Variants in FGFR1 observed in about 807,000 individuals in gnomAD.
FGFR1 encodes fibroblast growth factor receptor 1, also known as FGFR1/PLAG1 fusion.
Under a neutral mutation model 93.7 loss-of-function variants are expected in FGFR1, and 18 were observed. That is an observed-to-expected ratio of 0.19 (90% confidence interval 0.13 to 0.28). The LOEUF (loss-of-function observed/expected upper bound fraction) is 0.28. FGFR1 is among the 10% of genes least tolerant of loss of function. The pLI, the probability that FGFR1 is intolerant of heterozygous loss-of-function variation, is 1.00. For synonymous variants in FGFR1, 448 were observed against 429.3 expected (o/e 1.04, Z -0.54); for missense variants, 731 against 1,080.4 (o/e 0.68, Z 4.53).
intron 1 of FGFR1, among the ~76,000 whole-genome samples, chr8:38,458,354 A>T (rs564104974): frequency 6.6e-6 from 1 of 152,256 alleles, no homozygotes; most frequent in African/African-American, 2.4e-5. Context: ...CAACCTGGCC[A>T]ATATGGTGAA....
At chr8:38,419,467 A>C (rs536267684) in intron 9 of FGFR1, 66 bp downstream of exon 9, 53 of 1,396,870 alleles carry the variant, frequency 3.8e-5, no homozygotes, top group Non-Finnish European at 5.0e-5. Context: ...GACAATGGAG[A>C]GGGCAGGGCA....
intron 2 of FGFR1, among the ~76,000 whole-genome samples, chr8:38,456,429 A>C (rs961534561): frequency 3.9e-5 from 6 of 152,102 alleles, no homozygotes; most frequent in Non-Finnish European, 5.9e-5. Flanking sequence ...ATAGGTCTCC[A>C]TGCCCCTTTA....
intron 7 of FGFR1, 93 bp from the exon 8 acceptor site, chr8:38,422,034 C>G (rs2150764021): frequency 7.0e-7 from 1 of 1,437,394 alleles, no homozygotes; most frequent in Non-Finnish European, 9.6e-7. Context: ...AGAAGGGGGA[C>G]TAGAGGAAGA....
chr8:38,446,325 C>A (rs1433437837), intron 2 of FGFR1, among the ~76,000 whole-genome samples: 2 of 152,002 alleles, frequency 1.3e-5, no homozygotes, highest in East Asian at 3.9e-4. Flanking sequence ...ATTCTCCCGC[C>A]TCAGCCTCCC....
At chr8:38,449,300 A>T (rs1830344999) in intron 2 of FGFR1, among the ~76,000 whole-genome samples, 1 of 152,200 alleles carries the variant, frequency 6.6e-6, no homozygotes, top group Non-Finnish European at 1.5e-5. Context: ...ATTTCCAGCT[A>T]AGGGACTAGG....
intron 2 of FGFR1, among the ~76,000 whole-genome samples, chr8:38,447,987 C>T (rs1462267294): frequency 6.6e-6 from 1 of 152,160 alleles, no homozygotes; most frequent in Non-Finnish European, 1.5e-5. Context: ...AGAACTGGAT[C>T]AACTTTGTAC....
chr8:38,422,877 T>A (rs548625792), intron 7 of FGFR1: 1 of 602,382 alleles, frequency 1.7e-6, no homozygotes, highest in East Asian at 2.8e-5. Context: ...CAAACCAGCC[T>A]CCCAGGCCGG....
chr8:38,429,655 G>A lies in FGFR1; in HGVS notation c.358+27C>T. 6.4e-7 allele frequency: 1 copy of A among 1,556,510 alleles called. No individual in the cohort carries two copies. The highest frequency in any genetic ancestry group is 8.7e-7 in the Non-Finnish European group (1 of 1,149,506). Reference sequence around the variant, plus strand: ...GGCTGGAGGGGGTGGGTCTAGGGAGGGGCAAGGGCAGGGCTTGGCTACCAA... The same window carrying A: ...GGCTGGAGGGGGTGGGTCTAGGGAGAGGCAAGGGCAGGGCTTGGCTACCAA... On this transcript the variant is annotated intron_variant, in intron 3 of 17. Coordinates refer to ENST00000447712, the MANE Select transcript of FGFR1 (RefSeq NM_023110.3). The surrounding 1 kb of genome is among the most constrained non-coding windows in gnomAD (Gnocchi z 4.4).
In FGFR1 at chr8:38,429,708, G is replaced by A. The variant is rs775020833; in HGVS notation, c.332C>T (p.Thr111Ile). The change falls in exon 3 of 18, where the codon ACC becomes ATC. Residue 111 changes from threonine (T) to isoleucine (I), a missense_variant. Coordinates refer to ENST00000447712, the MANE Select transcript of FGFR1 (RefSeq NM_023110.3). This position sits in a 1 kb window ranked among gnomAD's most constrained non-coding sequence, Gnocchi z 4.4. ...CVTSSPSGSD[T>I]TYFSVNVSDA... ...TGAAACATTGACGGAGAAGTAGGTG[G>A]TGTCACTGCCCGAGGGGCTGCTGGT... is the stretch of plus-strand genomic sequence containing the variant. 38 of 1,572,626 alleles carry A rather than the reference G, an allele frequency of 2.4e-5. No individual in the cohort carries two copies. Among genetic ancestry groups the A allele is most frequent in the Non-Finnish European group, 2.9e-5 (34 of 1,158,606 alleles).
rs958467124 is a variant in FGFR1, at chr8:38,417,406, T to G, written c.1563A>C (p.Thr521=). 1.2e-6 allele frequency: 2 copies of G among 1,613,832 alleles called. No individual in the cohort carries two copies. The highest frequency in any genetic ancestry group is 1.7e-6 in the Non-Finnish European group (2 of 1,179,972). ...VAVKMLKSDA[T]EKDLSDLISE... Reference sequence around the variant, plus strand: ...AGATCAGGTCTGACAAGTCTTTCTCTGTTGCGTCCGCTTTAAAGAACACGT... The same window carrying G: ...AGATCAGGTCTGACAAGTCTTTCTCGGTTGCGTCCGCTTTAAAGAACACGT... The change falls in exon 12 of 18, where the codon ACA becomes ACC. Residue 521 remains threonine (T), a synonymous_variant. Transcript: ENST00000447712.
rs1393414725 is a variant in FGFR1 at position 38,413,561 on chromosome 8, C to A, written c.*67G>T. ...GGGACAGGGACGGACAGGTGGTGGG[C>A]CCAGCAGGGGCTGTGGGTGAGGGTT... is the stretch of plus-strand genomic sequence containing the variant. On this transcript the variant is annotated 3_prime_UTR_variant, in exon 18 of 18. Transcript: ENST00000447712. This position sits in a 1 kb window ranked among gnomAD's most constrained non-coding sequence, Gnocchi z 4.2. 15 of 1,515,610 alleles carry A rather than the reference C, an allele frequency of 9.9e-6. No homozygotes were observed. The highest frequency in any genetic ancestry group is 2.0e-5 in the Admixed American group (1 of 49,452). The allele number at this position is 1,515,610 out of a possible 1,614,324, so 93.9% of individuals were successfully genotyped here. A position where few individuals can be genotyped will look rare whatever the true frequency, so the allele number is the denominator to read the frequency against.
intron 2 of FGFR1, chr8:38,434,569 T>C: frequency 3.6e-6 from 1 of 274,198 alleles, no homozygotes; most frequent in South Asian, 5.2e-5. Context: ...CTCAAAGTCT[T>C]GGCAGGCATT....
rs561462371 is a variant in FGFR1 at position 38,462,377 on chromosome 8, G to A, written c.-88-4843C>T. Among the ~76,000 whole-genome samples, 160 of 151,788 alleles carry A rather than the reference G, an allele frequency of 1.1e-3. 1 individual carries two copies. Among genetic ancestry groups the A allele is most frequent in the African/African-American group, 3.8e-3 (158 of 41,442 alleles). Reference sequence around the variant, plus strand: ...AAATTAGCTGCGTGCAGTGGCGCGCGCCTGTAGTCCCAGCTACTCAGGAGG... The same window carrying A: ...AAATTAGCTGCGTGCAGTGGCGCGCACCTGTAGTCCCAGCTACTCAGGAGG... On this transcript the variant is annotated intron_variant, in intron 1 of 17. Coordinates refer to ENST00000447712, the MANE Select transcript of FGFR1 (RefSeq NM_023110.3).
rs1815020877 is a variant in FGFR1, at chr8:38,413,357, G to A, written c.*271C>T. 1.9e-6 allele frequency: 1 copy of A among 524,476 alleles called. No individual in the cohort carries two copies. The highest frequency in any genetic ancestry group is 1.9e-5 in the African/African-American group (1 of 52,726). The allele number at this position is 524,476 out of a possible 1,614,324, so 32.5% of individuals were successfully genotyped here. Reference sequence around the variant, plus strand: ...GCCCTCCAGGCAGTGCCTGGTGGCAGGGAGGGGTGTTGGTCCAACATCTGG... The same window carrying A: ...GCCCTCCAGGCAGTGCCTGGTGGCAAGGAGGGGTGTTGGTCCAACATCTGG... On this transcript the variant is annotated 3_prime_UTR_variant, in exon 18 of 18. Transcript: ENST00000447712. The surrounding 1 kb of genome is among the most constrained non-coding windows in gnomAD (Gnocchi z 4.2).
chr8:38,419,463 GGA>G, intron 9 of FGFR1, 68 bp downstream of exon 9: 1 of 1,386,272 alleles, frequency 7.2e-7, no homozygotes, highest in Non-Finnish European at 1.0e-6. Context: ...TAGGGACAAT[GGA>G]GAGGGCAGGG....
rs950588266 is a variant in FGFR1 at position 38,426,439 on chromosome 8, G to A, written c.622-194C>T. Among the ~76,000 whole-genome samples, 1 of 152,152 alleles carries A rather than the reference G, an allele frequency of 6.6e-6. No individual in the cohort carries two copies. The highest frequency in any genetic ancestry group is 2.4e-5 in the African/African-American group (1 of 41,434). ...GTTCACACTCTGCAAGCTGGCAGAT[G>A]GGGTGTAAAGACTCCAGAAGTCTCC... On this transcript the variant is annotated intron_variant, in intron 5 of 17. Transcript: ENST00000447712. The surrounding 1 kb of genome is among the most constrained non-coding windows in gnomAD (Gnocchi z 4.1).
intron 2 of FGFR1, among the ~76,000 whole-genome samples, chr8:38,452,662 C>G (rs1831457598): frequency 6.6e-6 from 1 of 151,868 alleles, no homozygotes. Flanking sequence ...TGTGCTCGCC[C>G]TATGATTTTT....
chr8:38,466,895 ACCC>A (rs35393411), intron 1 of FGFR1, among the ~76,000 whole-genome samples: 4 of 135,708 alleles, frequency 2.9e-5, no homozygotes, highest in African/African-American at 9.1e-5. Flanking sequence ...TTCACACCCC[ACCC>A]CCCCCCCACC....
chr8:38,444,341 GAGCATTT>G (rs1346723448), intron 2 of FGFR1, among the ~76,000 whole-genome samples: 1 of 151,324 alleles, frequency 6.6e-6, no homozygotes, highest in East Asian at 1.9e-4. Context: ...CATGAACGTT[GAGCATTT>G]AGTACTCTCA....
Sources: gnomAD v4.1 joint callset for allele counts (sites outside exome capture counted in the v4.1 genomes callset) on GRCh38, gnomAD v4.1.1 for gene constraint, Gnocchi (gnomAD v3.1) non-coding constraint, MANE v1.5 for transcripts, NCBI Gene and HGNC (gene_info 2026-07-23, HGNC 2026-07-21) for gene names.